The following DHRSX variants were observed in gnomAD, a reference collection of about 807,000 sequenced individuals.
DHRSX encodes dehydrogenase/reductase X-linked.
Under a neutral mutation model 34.0 loss-of-function variants are expected in DHRSX, and 31 were observed. That is an observed-to-expected ratio of 0.91 (90% CI 0.69 to 1.23). DHRSX has a LOEUF of 1.23. DHRSX is among the 50% of genes most tolerant of loss of function. The probability of loss-of-function intolerance (pLI) is 0.00; values close to 1 mark genes in which losing one functional copy is unlikely to be tolerated. For missense variants in DHRSX, 414 were observed against 428.1 expected, an observed-to-expected ratio of 0.97 and a Z score of 0.29; for synonymous variants, 201 against 183.8, an observed-to-expected ratio of 1.09 and a Z score of -0.76.
chrX:2,382,740 G>A (rs867020738), intron 3 of DHRSX, among the ~76,000 whole-genome samples: 1,959 of 14,148 alleles, frequency 0.14, no homozygotes, highest in Admixed American at 0.2. Flanking sequence ...CATCATCATC[G>A]CCATCATCAT....
intron 3 of DHRSX, among the ~76,000 whole-genome samples, chrX:2,397,646 T>C (rs867201543): frequency 7.7e-5 from 11 of 143,080 alleles, no homozygotes; most frequent in East Asian, 2.0e-4. Context: ...ATTTTTTTTT[T>C]CCCATTTTAA....
At chrX:2,298,985 C>CAAAAAA (rs1162323678) in intron 3 of DHRSX, among the ~76,000 whole-genome samples, 3 of 88,536 alleles carry the variant, frequency 3.4e-5, no homozygotes, top group African/African-American at 5.4e-5. Flanking sequence ...AACTCTGTCT[C>CAAAAAA]AAAAAAAAAA....
intron 1 of DHRSX, among the ~76,000 whole-genome samples, chrX:2,450,057 C>T (rs1198763398): frequency 6.6e-6 from 1 of 151,912 alleles, no homozygotes; most frequent in South Asian, 2.1e-4. Context: ...TAAGGAAACA[C>T]AGAGCCCCCA....
At chrX:2,435,806 A>G (rs1487007127) in intron 1 of DHRSX, among the ~76,000 whole-genome samples, 1 of 152,204 alleles carries the variant, frequency 6.6e-6, no homozygotes, top group Non-Finnish European at 1.5e-5. Context: ...AAATAAATCT[A>G]TGCTTACGCC....
chrX:2,307,893 T>C (rs1346900380), intron 3 of DHRSX, among the ~76,000 whole-genome samples: 1 of 151,808 alleles, frequency 6.6e-6, no homozygotes. Flanking sequence ...CAGGAAATCG[T>C]ACTTGCTAGG....
chrX:2,285,629 G>A (rs2041795653), intron 4 of DHRSX, among the ~76,000 whole-genome samples: 1 of 152,102 alleles, frequency 6.6e-6, no homozygotes, highest in Non-Finnish European at 1.5e-5. Flanking sequence ...ACTATGACCT[G>A]GGGGTTGGAC....
At chrX:2,312,210 C>T (rs2042172574) in intron 3 of DHRSX, among the ~76,000 whole-genome samples, 1 of 152,184 alleles carries the variant, frequency 6.6e-6, no homozygotes, top group South Asian at 2.1e-4. Flanking sequence ...ATCTTGAGTT[C>T]CTTCCAGGAA....
chrX:2,288,731 T>C (rs2041833925), intron 4 of DHRSX, among the ~76,000 whole-genome samples: 1 of 152,134 alleles, frequency 6.6e-6, no homozygotes, highest in African/African-American at 2.4e-5. Context: ...TCTAGATAAG[T>C]CTAGGAAGAA....
At chrX:2,438,306 TACAC>T (rs113154779) in intron 1 of DHRSX, among the ~76,000 whole-genome samples, 1 of 149,546 alleles carries the variant, frequency 6.7e-6, no homozygotes, top group Non-Finnish European at 1.5e-5. Context: ...ACAGAATGCA[TACAC>T]ACACACACAC....
intron 1 of DHRSX, among the ~76,000 whole-genome samples, chrX:2,436,781 G>A (rs2043997264): frequency 6.6e-6 from 1 of 151,756 alleles, no homozygotes; most frequent in Admixed American, 6.6e-5. Context: ...ACAGGTGTGT[G>A]CCACCATGCC....
chrX:2,237,462 C>A (rs1468460160), intron 6 of DHRSX, among the ~76,000 whole-genome samples: 5 of 151,838 alleles, frequency 3.3e-5, no homozygotes, highest in African/African-American at 1.2e-4. Context: ...GGACATGAGC[C>A]CTGAATGGTG....
At chrX:2,481,863 C>A (rs73622921) in intron 1 of DHRSX, among the ~76,000 whole-genome samples, 2,504 of 152,020 alleles carry the variant, frequency 0.016, 64 homozygotes, top group East Asian at 0.085. Flanking sequence ...TACATGCAAA[C>A]TGCACTGAGC....
chrX:2,428,762 A>C (rs2043881016), intron 1 of DHRSX, among the ~76,000 whole-genome samples: 1 of 152,190 alleles, frequency 6.6e-6, no homozygotes, highest in Non-Finnish European at 1.5e-5. Context: ...CAGAACTTAA[A>C]GTATAATAAA....
rs1303879179 is a variant in DHRSX, at chrX:2,437,696, AGAGTGTGT to A, written c.110-12400_110-12393del. On this transcript the variant is annotated intron_variant, in intron 1 of 6. Coordinates refer to ENST00000334651, the MANE Select transcript of DHRSX (RefSeq NM_145177.3). Reference sequence around the variant, plus strand: ...CAGAGAGAGAGAGAGAGAGAGAGAGAGAGTGTGTGTGTGTGTGTGTGTGTGTGTGTGTG... The same window carrying A: ...CAGAGAGAGAGAGAGAGAGAGAGAGAGTGTGTGTGTGTGTGTGTGTGTGTG... 5.1e-3 allele frequency among the ~76,000 whole-genome samples: 467 copies of A among 92,286 alleles called. 1 individual carries two copies. The highest frequency in any genetic ancestry group is 7.7e-3 in the Non-Finnish European group (336 of 43,822). 60.5% of individuals were successfully genotyped at this position (92,286 alleles called of 152,430 possible).
At chrX:2,370,241 G>A (rs183374178) in intron 3 of DHRSX, among the ~76,000 whole-genome samples, 4 of 151,592 alleles carry the variant, frequency 2.6e-5, no homozygotes, top group South Asian at 2.1e-4. Context: ...GCGCAATCTC[G>A]GCTCACTGCA....
chrX:2,241,331 G>C (rs181128693), intron 6 of DHRSX, among the ~76,000 whole-genome samples: 2 of 152,114 alleles, frequency 1.3e-5, no homozygotes, highest in African/African-American at 2.4e-5. Flanking sequence ...CCCAAAGTAC[G>C]GTGCTTTGTC....
At chrX:2,336,112 A>G (rs1325829322) in intron 3 of DHRSX, among the ~76,000 whole-genome samples, 1 of 151,626 alleles carries the variant, frequency 6.6e-6, no homozygotes, top group Non-Finnish European at 1.5e-5. Context: ...ATTTCAAGCC[A>G]TTCTCCTGCC....
intron 3 of DHRSX, among the ~76,000 whole-genome samples, chrX:2,320,805 C>T (rs1266819502): frequency 6.6e-6 from 1 of 151,732 alleles, no homozygotes; most frequent in Admixed American, 6.6e-5. Context: ...CGTGGATTGT[C>T]ATTAGCTTCC....
chrX:2,461,917 G>T (rs1228639173), intron 1 of DHRSX, among the ~76,000 whole-genome samples: 1 of 151,822 alleles, frequency 6.6e-6, no homozygotes, highest in Non-Finnish European at 1.5e-5. Context: ...CAAACTCCTG[G>T]GCTCAAGCGA....
Sources: allele counts gnomAD v4.1 joint callset (sites outside exome capture counted in the v4.1 genomes callset), GRCh38; gene constraint gnomAD v4.1.1; transcripts MANE v1.5; gene names NCBI Gene and HGNC (gene_info 2026-07-23, HGNC 2026-07-21).